Variants in TRIM4 observed in about 807,000 individuals in gnomAD.
TRIM4 encodes the protein E3 ubiquitin-protein ligase TRIM4.
TRIM4 carries 29 observed loss-of-function variants against 33.7 expected under a neutral mutation model. That is an observed-to-expected ratio of 0.86 (90% CI 0.64 to 1.17). TRIM4 has a LOEUF of 1.17. Ranked by LOEUF, TRIM4 falls within the 50% of genes most tolerant of loss-of-function variation. The probability of loss-of-function intolerance (pLI) is 0.00; values close to 1 mark genes in which losing one functional copy is unlikely to be tolerated. For synonymous variants in TRIM4, 224 were observed against 233.0 expected (o/e 0.96, Z 0.35); for missense variants, 554 against 593.7 (o/e 0.93, Z 0.69).
chr7:99,909,421 A>T, intron 2 of TRIM4, 144 bp downstream of exon 2: 1 of 617,872 alleles, frequency 1.6e-6, no homozygotes, highest in South Asian at 2.2e-5. Context: ...CAGTCACATG[A>T]TATGGAGGAA....
chr7:99,906,879 A>G (rs1307555544), intron 3 of TRIM4, among the ~76,000 whole-genome samples: 5 of 152,184 alleles, frequency 3.3e-5, no homozygotes, highest in African/African-American at 9.7e-5. Flanking sequence ...AAGATAAACA[A>G]TAAAGAGCAG....
At chr7:99,916,474 T>C (rs117656934) in intron 1 of TRIM4, among the ~76,000 whole-genome samples, 7,588 of 152,298 alleles carry the variant, frequency 0.05, 263 homozygotes, top group Middle Eastern at 0.071. Flanking sequence ...TCCACAAGCA[T>C]GGGATCTTCT....
At chr7:99,898,949 T>C (rs1013546320) in intron 5 of TRIM4, among the ~76,000 whole-genome samples, 1 of 152,236 alleles carries the variant, frequency 6.6e-6, no homozygotes, top group African/African-American at 2.4e-5. Flanking sequence ...TTGTCTTTTG[T>C]TGCTGTAGTT....
intron 1 of TRIM4, among the ~76,000 whole-genome samples, chr7:99,914,488 T>C (rs768664529): frequency 7.2e-5 from 11 of 152,272 alleles, no homozygotes; most frequent in Non-Finnish European, 1.5e-4. Context: ...TAATCAGATA[T>C]TGTCACTCTC....
Position 99,892,688 on chromosome 7 carries a change from C to G in TRIM4, c.900G>C (p.Gly300=), listed in dbSNP as rs1177365629. The G allele has an allele frequency of 1.2e-6, 2 of 1,614,122 alleles. No homozygotes were observed. The highest frequency in any genetic ancestry group is 2.2e-5 in the South Asian group (2 of 91,076). Residue 300 remains glycine (G), a synonymous_variant, in exon 6 of 6, where the codon GGG becomes GGC. Transcript: ENST00000349062. ...CTGATGCTGTATTTTTCACGTATCTCCCTTCCTGGGAGAAGACGAGTTTGG... is the reference window on the plus strand; with the variant it reads ...CTGATGCTGTATTTTTCACGTATCTGCCTTCCTGGGAGAAGACGAGTTTGG... ...AHPKLVFSQE[G]RYVKNTASAS...
rs1001909349 is a variant in TRIM4, at chr7:99,892,015, A to G, written c.*148T>C. Reference sequence around the variant, plus strand: ...CATGGGACTGCCTCTTGTGAAGCACACAAAGGGCAGATACCAAACGGTACC... The same window carrying G: ...CATGGGACTGCCTCTTGTGAAGCACGCAAAGGGCAGATACCAAACGGTACC... On this transcript the variant is annotated 3_prime_UTR_variant, in exon 6 of 6. Transcript: ENST00000349062. 2.8e-6 allele frequency: 2 copies of G among 717,150 alleles called. No individual in the cohort carries two copies. Among genetic ancestry groups the G allele is most frequent in the Admixed American group, 6.4e-5 (2 of 31,378 alleles). 44.4% of individuals were successfully genotyped at this position (717,150 alleles called of 1,614,324 possible).
chr7:99,899,033 G>A (rs963292745), intron 5 of TRIM4, among the ~76,000 whole-genome samples: 5 of 152,180 alleles, frequency 3.3e-5, no homozygotes, highest in Non-Finnish European at 5.9e-5. Flanking sequence ...AGAGAATGAC[G>A]TGATAAGAAT....
chr7:99,908,732 C>G lies in TRIM4; in HGVS notation c.570G>C (p.Leu190=), dbSNP rs1330419275. The G allele has an allele frequency of 6.2e-7, 1 of 1,614,170 alleles. No individual in the cohort carries two copies. The highest frequency in any genetic ancestry group is 8.5e-7 in the Non-Finnish European group (1 of 1,180,030). ...CTTCTTTGTTCAATCTCTGAAGAAA[C>G]AGGTCCTCTTCTTCAACCAGGAAGT... is the stretch of plus-strand genomic sequence containing the variant. The part of the protein sequence containing the change: ...LHNFLVEEED[L]FLQRLNKEEE... Residue 190 remains leucine (L), a synonymous_variant, in exon 3 of 6, where the codon CTG becomes CTC. Transcript: ENST00000349062.
intron 5 of TRIM4, among the ~76,000 whole-genome samples, chr7:99,900,295 T>C (rs547350403): frequency 6.6e-6 from 1 of 152,276 alleles, no homozygotes; most frequent in African/African-American, 2.4e-5. Context: ...TTTTTTCTAT[T>C]CAAGCCTTCA....
In TRIM4 at chr7:99,909,729, G is replaced by GTTT. The variant is rs58242927; in HGVS notation, c.394-72_394-70dup. 808 of 723,970 alleles carry GTTT rather than the reference G, an allele frequency of 1.1e-3. 2 individuals are homozygous for GTTT. The highest frequency in any genetic ancestry group is 2.6e-3 in the Middle Eastern group (8 of 3,078). The allele number at this position is 723,970 out of a possible 1,614,324, so 44.8% of individuals were successfully genotyped here. A position where few individuals can be genotyped will look rare whatever the true frequency, so the allele number is the denominator to read the frequency against. ...CATCATCATCTTCTTTTTTCTTTTT[G>GTTT]TTTTTTTTTTTTTTTTTTTTTGAGA... On this transcript the variant is annotated intron_variant, in intron 1 of 5. Transcript: ENST00000349062.
In TRIM4 at chr7:99,903,573, T is replaced by G. The variant is rs945732631; in HGVS notation, c.743+3A>C. On this transcript the variant is annotated splice_donor_region_variant and intron_variant, in intron 4 of 5. Transcript: ENST00000349062. ...GTCCCCATAAGAGAACAGGAGTGCA[T>G]ACCTGGTCAACACTTCTTTTGGATT... The G allele has an allele frequency of 1.2e-6, 2 of 1,614,080 alleles. No homozygotes were observed. Among genetic ancestry groups the G allele is most frequent in the Non-Finnish European group, 1.7e-6 (2 of 1,180,038 alleles).
chr7:99,918,336 C>T (rs955726018), intron 1 of TRIM4, among the ~76,000 whole-genome samples: 4 of 152,090 alleles, frequency 2.6e-5, no homozygotes, highest in Admixed American at 1.3e-4. Context: ...GGAGGCCAAG[C>T]GGGGCAGATC....
rs781552287 is a variant in TRIM4 at position 99,892,223 on chromosome 7, T to C, written c.1365A>G (p.Pro455=). 7 of 1,613,894 alleles carry C rather than the reference T, an allele frequency of 4.3e-6. No homozygotes were observed. The highest frequency in any genetic ancestry group is 5.1e-6 in the Non-Finnish European group (6 of 1,179,996). Residue 455 remains proline (P), a synonymous_variant, in exon 6 of 6, where the codon CCA becomes CCG. Transcript: ENST00000349062. ...ATGCTAATGGACTCAACCAAAAAAA[T>C]GGCCGGAGGCGTGAGACAGAAGAAC... ...FSCSSVSRLR[P]FFWLSPLASL...
At chr7:99,895,221 T>C (rs1818990283) in intron 5 of TRIM4, among the ~76,000 whole-genome samples, 2 of 152,236 alleles carry the variant, frequency 1.3e-5, no homozygotes, top group Admixed American at 1.3e-4. Context: ...AGTTTTGCTT[T>C]AGGTGCATCC....
At chr7:99,902,641 TGA>T (rs1819202340) in intron 5 of TRIM4, among the ~76,000 whole-genome samples, 2 of 152,254 alleles carry the variant, frequency 1.3e-5, no homozygotes, top group South Asian at 4.2e-4. Context: ...GGAGATCCAA[TGA>T]GTTTATTTTC....
chr7:99,893,171 G>A (rs1172272527), intron 5 of TRIM4, among the ~76,000 whole-genome samples: 2 of 152,192 alleles, frequency 1.3e-5, no homozygotes, highest in Non-Finnish European at 2.9e-5. Flanking sequence ...GGAGGCTGAG[G>A]CAGAAGAATC....
chr7:99,908,878 A>G, intron 2 of TRIM4, 66 bp from the exon 3 acceptor site: 1 of 1,436,672 alleles, frequency 7.0e-7, no homozygotes, highest in African/African-American at 1.4e-5. Context: ...TTCCTTACAC[A>G]ATTCCCCAGT....
chr7:99,918,100 G>T (rs1473911514), intron 1 of TRIM4, among the ~76,000 whole-genome samples: 1 of 152,174 alleles, frequency 6.6e-6, no homozygotes, highest in African/African-American at 2.4e-5. Context: ...TTACAAGCTA[G>T]GCTTTTCCCA....
In TRIM4 at chr7:99,892,286, G is replaced by A. The variant is rs1818908345; in HGVS notation, c.1302C>T (p.Tyr434=). Residue 434 remains tyrosine (Y), a synonymous_variant, in exon 6 of 6, where the codon TAC becomes TAT. Coordinates refer to ENST00000349062, the MANE Select transcript of TRIM4 (RefSeq NM_033091.3). ...LDRGTGNVSF[Y]SAVDGVHLHT... is the part of the protein sequence containing the mutation. ...GCAGGTGCACTCCGTCCACAGCGCTGTAGAAGGAGACATTCCCAGTCCCAC... is the reference window on the plus strand; with the variant it reads ...GCAGGTGCACTCCGTCCACAGCGCTATAGAAGGAGACATTCCCAGTCCCAC... The A allele has an allele frequency of 1.9e-6, 3 of 1,614,118 alleles. No individual in the cohort carries two copies. The highest frequency in any genetic ancestry group is 2.7e-5 in the African/African-American group (2 of 74,940).
Sources: gnomAD v4.1 joint callset for allele counts (sites outside exome capture counted in the v4.1 genomes callset) on GRCh38, gnomAD v4.1.1 for gene constraint, MANE v1.5 for transcripts, NCBI Gene and HGNC (gene_info 2026-07-23, HGNC 2026-07-21) for gene names.